ADAMTS20: variants seen among roughly 807,000 people sequenced by gnomAD.
The protein encoded by ADAMTS20 is ADAM metallopeptidase with thrombospondin type 1 motif 20.
ADAMTS20 carries 225 observed loss-of-function variants against 260.1 expected under a neutral mutation model. The ratio of observed to expected loss-of-function variants is 0.87; its 90% CI spans 0.78 to 0.97. The LOEUF is 0.97. Ranked by LOEUF, ADAMTS20 falls within the 50% of genes least tolerant of loss-of-function variation. ADAMTS20 has a pLI of 0.00. For synonymous variants in ADAMTS20, 802 were observed against 769.5 expected (o/e 1.04, Z -0.70); for missense variants, 2,400 against 2,337.7 (o/e 1.03, Z -0.55).
intron 3 of ADAMTS20, among the ~76,000 whole-genome samples, chr12:43,512,542 A>G (rs1490505655): frequency 1.3e-5 from 2 of 152,076 alleles, no homozygotes; most frequent in East Asian, 1.9e-4. Context: ...TTCAACCAGT[A>G]CTTTAGAATT....
At chr12:43,476,898 TGAC>T (rs1942363324) in intron 7 of ADAMTS20, among the ~76,000 whole-genome samples, 2 of 150,394 alleles carry the variant, frequency 1.3e-5, no homozygotes, top group Admixed American at 1.3e-4. Flanking sequence ...TAAGGCTAGA[TGAC>T]GAGTTAGTGG....
chr12:43,410,061 A>G (rs533505686), intron 28 of ADAMTS20, among the ~76,000 whole-genome samples: 1 of 152,252 alleles, frequency 6.6e-6, no homozygotes, highest in South Asian at 2.1e-4. Context: ...GGATTGACTA[A>G]AGTCAGTTCC....
rs1156579456 is a variant in ADAMTS20, at chr12:43,463,001, T to A, written c.1510-2A>T. On this transcript the variant is annotated splice_acceptor_variant, in intron 10 of 38. Coordinates refer to ENST00000389420, the MANE Select transcript of ADAMTS20 (RefSeq NM_025003.5). LOFTEE classifies it high-confidence loss of function. Reference sequence around the variant, plus strand: ...GCACCACAGATGCATGCATATATTCTCCTGAGTAACAAAAGGCAGGCAAGC... The same window carrying A: ...GCACCACAGATGCATGCATATATTCACCTGAGTAACAAAAGGCAGGCAAGC... The A allele has an allele frequency of 1.9e-6, 3 of 1,594,440 alleles. No homozygotes were observed. The South Asian group carries it at 3.4e-5, about 18-fold the overall frequency.
In ADAMTS20 at chr12:43,430,334, A is replaced by C. The variant is rs769342241; in HGVS notation, c.3381+18T>G. ...TGTCTCATAAATCTTTTTGTTTGTA[A>C]ACCATGATTCTTTTTACCTGTCTGT... On this transcript the variant is annotated intron_variant, in intron 23 of 38. Transcript: ENST00000389420. The C allele has an allele frequency of 4.7e-5, 75 of 1,601,890 alleles. No individual in the cohort carries two copies. The highest frequency in any genetic ancestry group is 6.1e-5 in the Non-Finnish European group (72 of 1,174,956).
intron 15 of ADAMTS20, among the ~76,000 whole-genome samples, chr12:43,445,075 A>T (rs1305441180): frequency 6.6e-6 from 1 of 152,134 alleles, no homozygotes. Flanking sequence ...ACTATTTATT[A>T]TATTTTTTTC....
intron 7 of ADAMTS20, among the ~76,000 whole-genome samples, chr12:43,478,366 C>T (rs1289105947): frequency 3.3e-5 from 5 of 150,074 alleles, no homozygotes; most frequent in East Asian, 1.9e-4. Context: ...GAATGAAGCA[C>T]GAAGAGAAAA....
chr12:43,422,481 C>A (rs1439752565), intron 28 of ADAMTS20, among the ~76,000 whole-genome samples: 3 of 151,918 alleles, frequency 2.0e-5, no homozygotes, highest in Non-Finnish European at 2.9e-5. Context: ...AACTTCAGAT[C>A]CCCTAAACCC....
intron 36 of ADAMTS20, among the ~76,000 whole-genome samples, chr12:43,369,683 T>C (rs1242963767): frequency 2.0e-5 from 3 of 151,950 alleles, no homozygotes; most frequent in Non-Finnish European, 4.4e-5. Context: ...TCATAGAATA[T>C]CTGAAATAGG....
chr12:43,448,529 A>G (rs996010431), intron 14 of ADAMTS20, among the ~76,000 whole-genome samples: 2 of 152,202 alleles, frequency 1.3e-5, no homozygotes, highest in African/African-American at 2.4e-5. Context: ...ACCCCAAACT[A>G]TAAAAACCCT....
At chr12:43,509,524 G>A (rs1942893686) in intron 3 of ADAMTS20, among the ~76,000 whole-genome samples, 1 of 151,712 alleles carries the variant, frequency 6.6e-6, no homozygotes, top group Non-Finnish European at 1.5e-5. Context: ...CTGTAAGTAA[G>A]GAAAGTGAGA....
At chr12:43,501,467 G>T (rs1318949437) in intron 4 of ADAMTS20, among the ~76,000 whole-genome samples, 1 of 31,036 alleles carries the variant, frequency 3.2e-5, no homozygotes, top group Admixed American at 2.6e-4. Flanking sequence ...GGATACGCGC[G>T]CGCGCGCGCG....
intron 23 of ADAMTS20, 119 bp from the exon 24 acceptor site, chr12:43,429,843 T>C (rs1051883343): frequency 2.4e-5 from 15 of 619,480 alleles, no homozygotes; most frequent in African/African-American, 2.1e-4. Flanking sequence ...TAGAAATTGG[T>C]AATATGAATG....
intron 28 of ADAMTS20, among the ~76,000 whole-genome samples, chr12:43,424,911 C>A (rs1052782098): frequency 2.6e-5 from 4 of 151,674 alleles, no homozygotes; most frequent in African/African-American, 9.7e-5. Flanking sequence ...AAAACACAAA[C>A]CAAGAGGGCC....
chr12:43,471,427 C>T (rs1330544157), intron 7 of ADAMTS20, among the ~76,000 whole-genome samples: 1 of 105,746 alleles, frequency 9.5e-6, no homozygotes, highest in Non-Finnish European at 1.9e-5. Flanking sequence ...CCGCCATTGC[C>T]CAGGCTTGCT....
At position 43,378,891 on chromosome 12, in the gene ADAMTS20, G is replaced by A. The variant is rs376505057; in HGVS notation, c.4798-1329C>T. 1.2e-4 allele frequency among the ~76,000 whole-genome samples: 18 copies of A among 152,272 alleles called. No homozygotes were observed. In the East Asian group the frequency reaches 1.7e-3, roughly 15 times the overall value. ...TTCAGAACTCTAGAAACTGACCAAAGACTTGCAGCAATCCAGAAGGCATTT... is the reference window on the plus strand; with the variant it reads ...TTCAGAACTCTAGAAACTGACCAAAAACTTGCAGCAATCCAGAAGGCATTT... On this transcript the variant is annotated intron_variant, in intron 31 of 38. Coordinates refer to ENST00000389420, the MANE Select transcript of ADAMTS20 (RefSeq NM_025003.5).
intron 3 of ADAMTS20, among the ~76,000 whole-genome samples, chr12:43,516,573 T>C (rs1298156826): frequency 6.6e-6 from 1 of 152,196 alleles, no homozygotes; most frequent in Non-Finnish European, 1.5e-5. Context: ...ACAAATCTAT[T>C]TGTTTTCACT....
In ADAMTS20 at chr12:43,399,096, G is replaced by T. The variant is rs1358847323; in HGVS notation, c.4422C>A (p.Cys1474Ter). The change falls in exon 29 of 39, where the codon TGC becomes TGA. Residue 1474 changes from cysteine (C) to a stop codon, truncating the protein, a stop_gained. Transcript: ENST00000389420. LOFTEE classifies it high-confidence loss of function. The part of the protein sequence containing the change: ...PTHKACRSVR[C>*]PSWKANSWNE... ...TCCAGCTATTGGCTTTCCATGAAGGGCATCTGACAGATCTACAGGCTTTGT... is the reference window on the plus strand; with the variant it reads ...TCCAGCTATTGGCTTTCCATGAAGGTCATCTGACAGATCTACAGGCTTTGT... 3 of 1,539,488 alleles carry T rather than the reference G, an allele frequency of 1.9e-6. No homozygotes were observed. In the South Asian group the frequency reaches 3.7e-5, roughly 19 times the overall value.
At chr12:43,411,409 C>G (rs1375809267) in intron 28 of ADAMTS20, among the ~76,000 whole-genome samples, 1 of 152,074 alleles carries the variant, frequency 6.6e-6, no homozygotes, top group African/African-American at 2.4e-5. Flanking sequence ...CTCTTGTTGC[C>G]CAGGCTGGAG....
chr12:43,523,604 T>C (rs1943100890), intron 3 of ADAMTS20, among the ~76,000 whole-genome samples: 2 of 152,066 alleles, frequency 1.3e-5, no homozygotes, highest in African/African-American at 4.8e-5. Flanking sequence ...GCAGAAAAAT[T>C]GTGACTTTGA....
Sources: allele counts gnomAD v4.1 joint callset (sites outside exome capture counted in the v4.1 genomes callset), GRCh38; gene constraint gnomAD v4.1.1; transcripts MANE v1.5; gene names NCBI Gene and HGNC (gene_info 2026-07-23, HGNC 2026-07-21).